The following POLR1C variants were observed in gnomAD, a reference collection of about 807,000 sequenced individuals.
POLR1C encodes DNA-directed RNA polymerases I and III subunit RPAC1.
A neutral mutation model predicts 38.3 loss-of-function variants in POLR1C; 42 were observed. That is an observed-to-expected ratio of 1.10 (90% CI 0.86 to 1.42). The LOEUF is 1.42. POLR1C is among the 40% of genes most tolerant of loss of function. The pLI is 0.00. For synonymous variants in POLR1C, 163 were observed against 163.9 expected, an observed-to-expected ratio of 0.99 and a Z score of 0.04; for missense variants, 507 against 450.5, an observed-to-expected ratio of 1.13 and a Z score of -1.14.
chr6:43,539,667 CT>C, intron 9 of POLR1C: 1 of 1,056,502 alleles, frequency 9.5e-7, no homozygotes, highest in Non-Finnish European at 1.4e-6. Flanking sequence ...CCACCAGGGC[CT>C]CCAGGCCCCC....
chr6:43,559,252 G>A (rs962088281), intron 10 of POLR1C, among the ~76,000 whole-genome samples: 2 of 152,258 alleles, frequency 1.3e-5, no homozygotes, highest in Non-Finnish European at 1.5e-5. Context: ...AGCCAAGATC[G>A]TGCCACTGCA....
downstream of POLR1C, chr6:43,522,619 TC>T: frequency 2.5e-6 from 1 of 396,414 alleles, no homozygotes; most frequent in Non-Finnish European, 5.6e-6. Flanking sequence ...AACTTCTGCT[TC>T]CCCAGCTTTG....
At chr6:43,548,721 T>C (rs193233789) in intron 9 of POLR1C, among the ~76,000 whole-genome samples, 58 of 150,316 alleles carry the variant, frequency 3.9e-4, no homozygotes, top group African/African-American at 1.2e-3. Context: ...GCTTGTTTTA[T>C]ATATATATAT....
intron 5 of POLR1C, 22 bp from the exon 6 acceptor site, chr6:43,520,250 ATCT>A: frequency 6.2e-7 from 1 of 1,613,546 alleles, no homozygotes; most frequent in Non-Finnish European, 8.5e-7. Context: ...AGGGACTGAG[ATCT>A]TCTGACATGT....
At chr6:43,532,094 C>T (rs1794026625), downstream of POLR1C, among the ~76,000 whole-genome samples, 1 of 152,152 alleles carries the variant, frequency 6.6e-6, no homozygotes, top group Non-Finnish European at 1.5e-5. Context: ...TCTGGTTGGC[C>T]ACTTATTTCT....
chr6:43,517,093 T>G lies in POLR1C; in HGVS notation c.-17T>G. ...CACGCGCGAGATAGAACCTCTAGTC[T>G]CGTGGAGAGATTGAAGATGGCGGCT... On this transcript the variant is annotated 5_prime_UTR_variant, in exon 1 of 9. Coordinates refer to ENST00000642195, the MANE Select transcript of POLR1C (RefSeq NM_203290.4). The G allele has an allele frequency of 6.2e-7, 1 of 1,613,662 alleles. No individual in the cohort carries two copies. The highest frequency in any genetic ancestry group is 8.5e-7 in the Non-Finnish European group (1 of 1,179,626).
downstream of POLR1C, chr6:43,525,155 C>T (rs764947437): frequency 2.9e-5 from 46 of 1,584,574 alleles, no homozygotes; most frequent in Middle Eastern, 1.7e-4. Context: ...TCTGGCAGGA[C>T]AGAGTATCTT....
downstream of POLR1C, chr6:43,524,581 T>G (rs887822624): frequency 2.5e-6 from 4 of 1,613,950 alleles, no homozygotes; most frequent in Non-Finnish European, 2.5e-6. Flanking sequence ...AGTGAGTCCT[T>G]CTGTATTTCA....
At chr6:43,541,082 G>A (rs9462902) in intron 9 of POLR1C, among the ~76,000 whole-genome samples, 16,533 of 152,130 alleles carry the variant, frequency 0.11, 1,956 homozygotes, top group African/African-American at 0.29. Context: ...CAGAGTGTAA[G>A]GATGGTTAGC....
intron 9 of POLR1C, chr6:43,548,394 T>A: frequency 6.2e-7 from 1 of 1,612,916 alleles, no homozygotes; most frequent in Admixed American, 1.7e-5. Flanking sequence ...CACTTCTCCA[T>A]TTGTGTCAGG....
In POLR1C at chr6:43,520,294, A is replaced by G. The variant is rs765315766; in HGVS notation, c.522A>G (p.Thr174=). 6.8e-5 allele frequency: 109 copies of G among 1,612,952 alleles called. No individual in the cohort carries two copies. The highest frequency in any genetic ancestry group is 9.1e-5 in the Non-Finnish European group (107 of 1,180,046). Residue 174 remains threonine (T), a synonymous_variant, in exon 6 of 9, where the codon ACA becomes ACG. Transcript: ENST00000642195. ...CTCCAGTGTATACCAGGCATATGACATGGATCCCCCTGGGGAACCAGGCTG... is the reference window on the plus strand; with the variant it reads ...CTCCAGTGTATACCAGGCATATGACGTGGATCCCCCTGGGGAACCAGGCTG... ...VNHKVYTRHM[T]WIPLGNQADL...
At chr6:43,553,534 C>A in intron 10 of POLR1C, 5 of 1,529,582 alleles carry the variant, frequency 3.3e-6, no homozygotes, top group Non-Finnish European at 3.5e-6. Flanking sequence ...CATACACACA[C>A]ACACACACAC....
At chr6:43,557,209 G>A (rs919607413) in intron 10 of POLR1C, among the ~76,000 whole-genome samples, 2 of 150,070 alleles carry the variant, frequency 1.3e-5, no homozygotes, top group African/African-American at 4.9e-5. Context: ...GGTGGATCAC[G>A]AGGTCAGGAG....
At chr6:43,535,001 A>AC (rs112915894) in intron 9 of POLR1C, among the ~76,000 whole-genome samples, 3,865 of 139,150 alleles carry the variant, frequency 0.028, 152 homozygotes, top group African/African-American at 0.095. Flanking sequence ...TCTCAAAAAA[A>AC]CCCCCCAAAG....
chr6:43,562,015 T>C (rs866298755), exon 11 of POLR1C: 17 of 372,430 alleles, frequency 4.6e-5, no homozygotes, highest in Admixed American at 2.2e-4. Context: ...TATGGAATAA[T>C]AGACGTGGAT....
chr6:43,528,041 T>G lies in POLR1C; in HGVS notation c.923-1208T>G, dbSNP rs1793712251. 5.7e-6 allele frequency: 6 copies of G among 1,058,164 alleles called. No individual in the cohort carries two copies. The Admixed American group carries it at 1.2e-4, about 22-fold the overall frequency. 65.5% of individuals were successfully genotyped at this position (1,058,164 alleles called of 1,614,324 possible). A position where few individuals can be genotyped will look rare whatever the true frequency, so the allele number is the denominator to read the frequency against. ...AGCCATGTATCACCTAGGCTGAGAA[T>G]GACTACAACCTACTGCTCTTCTACC... On this transcript the variant is annotated intron_variant, in intron 8 of 8. Coordinates refer to the POLR1C transcript ENST00000304004.
chr6:43,535,813 C>CAAAA (rs60341205), intron 9 of POLR1C, among the ~76,000 whole-genome samples: 1 of 71,838 alleles, frequency 1.4e-5, no homozygotes, highest in African/African-American at 4.8e-5. Context: ...GACTCCATCT[C>CAAAA]AAAAAAAAAA....
At chr6:43,524,909 T>C (rs1793462772), downstream of POLR1C, 5 of 1,613,892 alleles carry the variant, frequency 3.1e-6, no homozygotes, top group Admixed American at 1.7e-5. Context: ...TCTGTAAGCC[T>C]TTCAGCACAC....
intron 9 of POLR1C, among the ~76,000 whole-genome samples, chr6:43,545,130 C>T (rs2127725615): frequency 6.6e-6 from 1 of 152,136 alleles, no homozygotes; most frequent in South Asian, 2.1e-4. Context: ...ACCTTGGCCT[C>T]CCAAAGTGCT....
Sources: allele counts gnomAD v4.1 joint callset (sites outside exome capture counted in the v4.1 genomes callset), GRCh38; gene constraint gnomAD v4.1.1; transcripts MANE v1.5; gene names NCBI Gene and HGNC (gene_info 2026-07-23, HGNC 2026-07-21).